The following STARD13 variants were observed in gnomAD, a reference collection of about 807,000 sequenced individuals.
The protein encoded by STARD13 is stAR-related lipid transfer protein 13.
STARD13 carries 62 observed loss-of-function variants against 106.4 expected under a neutral mutation model. The ratio of observed to expected loss-of-function variants is 0.58; its 90% CI spans 0.48 to 0.72. STARD13 has a LOEUF of 0.72. STARD13 is among the 30% of genes least tolerant of loss of function. The pLI is 0.00. For synonymous variants in STARD13, 565 were observed against 553.0 expected (o/e 1.02, Z -0.31); for missense variants, 1,387 against 1,424.0 (o/e 0.97, Z 0.42).
chr13:33,434,711 G>C, the STARD13 span, among the ~76,000 whole-genome samples: 1 of 152,088 alleles, frequency 6.6e-6, no homozygotes, highest in Non-Finnish European at 1.5e-5. Flanking sequence ...CTGCATATAC[G>C]TTTCTTGGTG....
Position 33,304,519 on chromosome 13 carries a change from G to A in STARD13, c.124+45771C>T, listed in dbSNP as rs549718225. Among the ~76,000 whole-genome samples the A allele has an allele frequency of 2.0e-5, 3 of 152,086 alleles. No homozygotes were observed. In the East Asian group the frequency reaches 5.8e-4, roughly 29 times the overall value. ...CTTAAAATACTGGATTTTCCCCGTG[G>A]ACATACAGATAAGAATTCTATGTAA... On this transcript the variant is annotated intron_variant, in intron 1 of 5. Transcript: ENST00000567873.
chr13:33,138,804 C>T (rs1402353922), intron 4 of STARD13: 1 of 462,688 alleles, frequency 2.2e-6, no homozygotes, highest in Middle Eastern at 4.4e-4. Context: ...TACTCCTCCA[C>T]CTGACTCTTA....
intron 3 of STARD13, among the ~76,000 whole-genome samples, chr13:33,158,428 T>C (rs1039369503): frequency 6.6e-6 from 1 of 152,260 alleles, no homozygotes; most frequent in Non-Finnish European, 1.5e-5. Flanking sequence ...ATTCTTGTCA[T>C]GGCTAACACT....
chr13:33,560,935 C>T, the STARD13 span, among the ~76,000 whole-genome samples: 1 of 151,480 alleles, frequency 6.6e-6, no homozygotes, highest in South Asian at 2.1e-4. Flanking sequence ...AGCCAACTTA[C>T]ATTCTTTGGA....
chr13:33,433,866 C>T, the STARD13 span, among the ~76,000 whole-genome samples: 2 of 152,132 alleles, frequency 1.3e-5, no homozygotes, highest in Non-Finnish European at 2.9e-5. Context: ...GTGATGAGTT[C>T]CTTCAGGGAA....
chr13:33,222,750 G>A (rs985686652), intron 1 of STARD13, among the ~76,000 whole-genome samples: 1 of 152,218 alleles, frequency 6.6e-6, no homozygotes, highest in Non-Finnish European at 1.5e-5. Flanking sequence ...TGCACATAAT[G>A]TGTAAATGGC....
chr13:33,499,713 CTCTCCT>C, the STARD13 span, among the ~76,000 whole-genome samples: 3 of 130,058 alleles, frequency 2.3e-5, no homozygotes, highest in Non-Finnish European at 4.8e-5. Flanking sequence ...CTTCCTCTTC[CTCTCCT>C]TCTCCTTCTC....
chr13:33,413,607 A>G, the STARD13 span, among the ~76,000 whole-genome samples: 1 of 152,198 alleles, frequency 6.6e-6, no homozygotes, highest in Non-Finnish European at 1.5e-5. Flanking sequence ...TGGTATCTAG[A>G]GTACAACAGA....
downstream of STARD13, among the ~76,000 whole-genome samples, chr13:33,347,787 A>G (rs2078033277): frequency 6.6e-6 from 1 of 152,212 alleles, no homozygotes; most frequent in South Asian, 2.1e-4. Context: ...TTCTTAGACT[A>G]TATCCTCATT....
intron 1 of STARD13, among the ~76,000 whole-genome samples, chr13:33,261,688 G>C (rs1268364707): frequency 6.6e-6 from 1 of 152,100 alleles, no homozygotes; most frequent in Admixed American, 6.5e-5. Flanking sequence ...TTTATTGTGG[G>C]TCATGGCTCA....
chr13:33,542,220 G>T, the STARD13 span, among the ~76,000 whole-genome samples: 39 of 152,292 alleles, frequency 2.6e-4, no homozygotes, highest in Admixed American at 2.6e-4. Context: ...AACACTGAAA[G>T]ATGAACAGAC....
At chr13:33,295,088 G>C (rs1892437233) in intron 1 of STARD13, among the ~76,000 whole-genome samples, 1 of 152,084 alleles carries the variant, frequency 6.6e-6, no homozygotes, top group Non-Finnish European at 1.5e-5. Flanking sequence ...AGGCGCGGGA[G>C]GAATAATGCA....
intron 1 of STARD13, among the ~76,000 whole-genome samples, chr13:33,195,061 C>T (rs1357627114): frequency 6.6e-6 from 1 of 152,132 alleles, no homozygotes; most frequent in Non-Finnish European, 1.5e-5. Context: ...TATTTATTTT[C>T]CTTTGTTCTT....
chr13:33,577,449 C>T, the STARD13 span, among the ~76,000 whole-genome samples: 1 of 152,040 alleles, frequency 6.6e-6, no homozygotes, highest in Non-Finnish European at 1.5e-5. Context: ...TAAATTTTAT[C>T]TGAATGAAAA....
chr13:33,583,706 G>A, the STARD13 span, among the ~76,000 whole-genome samples: 2 of 152,140 alleles, frequency 1.3e-5, no homozygotes, highest in Admixed American at 6.5e-5. Flanking sequence ...AGGAACCATT[G>A]CAGTGAACTG....
At chr13:33,595,162 G>A in the STARD13 span, among the ~76,000 whole-genome samples, 1 of 152,170 alleles carries the variant, frequency 6.6e-6, no homozygotes, top group Non-Finnish European at 1.5e-5. Context: ...ATGTACTTCG[G>A]AGGTAACAGT....
At chr13:33,225,777 T>C (rs1888596672) in intron 1 of STARD13, among the ~76,000 whole-genome samples, 1 of 152,206 alleles carries the variant, frequency 6.6e-6, no homozygotes, top group Non-Finnish European at 1.5e-5. Context: ...CTCTTCGTAT[T>C]AATATGTGAT....
At chr13:33,222,134 C>T (rs1333774754) in intron 1 of STARD13, among the ~76,000 whole-genome samples, 9 of 151,628 alleles carry the variant, frequency 5.9e-5, no homozygotes, top group Admixed American at 2.6e-4. Flanking sequence ...GGCAACAGAG[C>T]GAGACTCCAT....
chr13:33,542,907 C>T, the STARD13 span, among the ~76,000 whole-genome samples: 5 of 152,156 alleles, frequency 3.3e-5, no homozygotes, highest in African/African-American at 4.8e-5. Context: ...AAACCGTGGC[C>T]CCTGCTTTCC....
Sources: gnomAD v4.1 joint callset for allele counts (sites outside exome capture counted in the v4.1 genomes callset) on GRCh38, gnomAD v4.1.1 for gene constraint, MANE v1.5 for transcripts, NCBI Gene and HGNC (gene_info 2026-07-23, HGNC 2026-07-21) for gene names.